The following CALN1 variants were observed in gnomAD, a reference collection of about 807,000 sequenced individuals.
CALN1 encodes the protein calneuron 1.
Under a neutral mutation model 30.6 loss-of-function variants are expected in CALN1, and 17 were observed. That is an observed-to-expected ratio of 0.56 (90% confidence interval 0.38 to 0.83). The LOEUF is 0.83. CALN1 is among the 40% of genes least tolerant of loss of function. The pLI is 0.00. For missense variants in CALN1, 291 were observed against 354.9 expected (o/e 0.82, Z 1.45); for synonymous variants, 156 against 131.4 (o/e 1.19, Z -1.28).
chr7:72,343,046 G>A (rs1429257256), intron 2 of CALN1, among the ~76,000 whole-genome samples: 1 of 152,126 alleles, frequency 6.6e-6, no homozygotes, highest in East Asian at 1.9e-4. Flanking sequence ...TTGGTATCTG[G>A]AAGGAGAGTG....
At chr7:71,931,673 C>A (rs1795560641) in intron 5 of CALN1, among the ~76,000 whole-genome samples, 1 of 152,212 alleles carries the variant, frequency 6.6e-6, no homozygotes, top group Admixed American at 6.5e-5. Context: ...CTAACCCTTT[C>A]TTTCAAAGCC....
At chr7:72,085,398 T>C (rs1805418185) in intron 4 of CALN1, among the ~76,000 whole-genome samples, 1 of 152,202 alleles carries the variant, frequency 6.6e-6, no homozygotes. Context: ...ATCCTTTTTT[T>C]ACAGTATATT....
At chr7:72,373,596 T>C (rs969228908) in intron 2 of CALN1, among the ~76,000 whole-genome samples, 1 of 152,232 alleles carries the variant, frequency 6.6e-6, no homozygotes, top group African/African-American at 2.4e-5. Flanking sequence ...TAGGCTAATA[T>C]AAGTTTTCTG....
intron 5 of CALN1, among the ~76,000 whole-genome samples, chr7:72,009,945 G>A (rs1004382751): frequency 2.6e-5 from 4 of 152,196 alleles, no homozygotes; most frequent in East Asian, 1.9e-4. Flanking sequence ...TAGGTAAGAG[G>A]TTAATTTCCT....
At chr7:72,126,274 T>C (rs539429075) in intron 3 of CALN1, among the ~76,000 whole-genome samples, 2 of 152,254 alleles carry the variant, frequency 1.3e-5, no homozygotes, top group Non-Finnish European at 2.9e-5. Flanking sequence ...TATTATTCCA[T>C]GGTGTATACA....
chr7:71,959,012 T>C (rs1797106799), intron 5 of CALN1, among the ~76,000 whole-genome samples: 1 of 152,180 alleles, frequency 6.6e-6, no homozygotes, highest in Non-Finnish European at 1.5e-5. Flanking sequence ...TGCCTGTATT[T>C]TGGGTCACTT....
intron 6 of CALN1, among the ~76,000 whole-genome samples, chr7:71,809,565 A>C: frequency 6.6e-6 from 1 of 151,524 alleles, no homozygotes; most frequent in Admixed American, 6.6e-5. Context: ...ATGATGTTTT[A>C]ATGTAATTAA....
At chr7:72,409,408 A>G (rs1219219436) in intron 1 of CALN1, among the ~76,000 whole-genome samples, 7 of 146,484 alleles carry the variant, frequency 4.8e-5, no homozygotes, top group African/African-American at 7.5e-5. Context: ...GTATCCACAT[A>G]CCTCCCTTCC....
At chr7:71,832,947 T>C (rs1789380250) in intron 5 of CALN1, among the ~76,000 whole-genome samples, 1 of 152,180 alleles carries the variant, frequency 6.6e-6, no homozygotes, top group South Asian at 2.1e-4. Context: ...CTTGTCATTG[T>C]GTCCTGCCCG....
chr7:72,215,734 T>C (rs923291429), intron 3 of CALN1, among the ~76,000 whole-genome samples: 2 of 152,092 alleles, frequency 1.3e-5, no homozygotes, highest in African/African-American at 2.4e-5. Context: ...CAGCTGTGGA[T>C]GGACCCAGCT....
At chr7:72,282,787 C>G (rs1162067094) in intron 2 of CALN1, among the ~76,000 whole-genome samples, 2 of 152,176 alleles carry the variant, frequency 1.3e-5, no homozygotes, top group Admixed American at 6.5e-5. Flanking sequence ...GGTGTGGTGG[C>G]TCATGCCTGT....
chr7:72,157,004 C>T (rs1400742865), intron 3 of CALN1, among the ~76,000 whole-genome samples: 1 of 152,162 alleles, frequency 6.6e-6, no homozygotes, highest in East Asian at 1.9e-4. Flanking sequence ...ATGGTTGAGA[C>T]AGATGCTCAT....
At chr7:71,938,855 G>A (rs1020690425) in intron 5 of CALN1, among the ~76,000 whole-genome samples, 2 of 152,086 alleles carry the variant, frequency 1.3e-5, no homozygotes, top group African/African-American at 2.4e-5. Context: ...AACAGAGAGC[G>A]CCATGGTGGG....
rs1787891139 is a variant in CALN1 at position 71,810,597 on chromosome 7, C to T, written c.502-105G>A. On this transcript the variant is annotated intron_variant, in intron 5 of 6. Coordinates refer to ENST00000395275, the MANE Select transcript of CALN1 (RefSeq NM_031468.4). Reference sequence around the variant, plus strand: ...ACAGCTGCTCTGCAGAAACTTGTCTCAGCGTTTCAGGATATCAGGTGAACA... The same window carrying T: ...ACAGCTGCTCTGCAGAAACTTGTCTTAGCGTTTCAGGATATCAGGTGAACA... 2.8e-5 allele frequency: 32 copies of T among 1,135,946 alleles called. No homozygotes were observed. The South Asian group carries it at 4.7e-4, about 17-fold the overall frequency. 70.4% of individuals were successfully genotyped at this position (1,135,946 alleles called of 1,614,324 possible). A position where few individuals can be genotyped will look rare whatever the true frequency, so the allele number is the denominator to read the frequency against.
At chr7:71,958,917 C>T (rs955007480) in intron 5 of CALN1, among the ~76,000 whole-genome samples, 3 of 152,318 alleles carry the variant, frequency 2.0e-5, no homozygotes, top group Non-Finnish European at 4.4e-5. Flanking sequence ...ACAGATCAGA[C>T]CCTCAGATCA....
intron 4 of CALN1, among the ~76,000 whole-genome samples, chr7:72,069,997 A>G (rs975458348): frequency 1.3e-5 from 2 of 152,068 alleles, no homozygotes; most frequent in Admixed American, 1.3e-4. Flanking sequence ...TCTGTCCCCA[A>G]ACTCTATGGG....
chr7:72,274,016 C>A (rs6948148), intron 3 of CALN1, among the ~76,000 whole-genome samples: 2,218 of 151,770 alleles, frequency 0.015, 23 homozygotes, highest in African/African-American at 0.027. Context: ...TAATTTATGA[C>A]CAGAAACAGA....
intron 2 of CALN1, among the ~76,000 whole-genome samples, chr7:72,316,643 A>G (rs1338174403): frequency 1.3e-5 from 2 of 152,112 alleles, no homozygotes; most frequent in Non-Finnish European, 2.9e-5. Context: ...TGCACTTAAA[A>G]GAATATTTTA....
chr7:72,208,674 T>G (rs565997036), intron 3 of CALN1, among the ~76,000 whole-genome samples: 2 of 152,194 alleles, frequency 1.3e-5, no homozygotes, highest in African/African-American at 4.8e-5. Context: ...TTTTAATGGA[T>G]GTATATTAAT....
Sources: gnomAD v4.1 joint callset for allele counts (sites outside exome capture counted in the v4.1 genomes callset) on GRCh38, gnomAD v4.1.1 for gene constraint, MANE v1.5 for transcripts, NCBI Gene and HGNC (gene_info 2026-07-23, HGNC 2026-07-21) for gene names.